The following OLFM1 variants were observed in gnomAD, a reference collection of about 807,000 sequenced individuals.
OLFM1 encodes the protein olfactomedin 1.
In OLFM1, 9 loss-of-function variants were observed where a neutral mutation model predicts 49.7. The ratio of observed to expected loss-of-function variants is 0.18; its 90% CI spans 0.11 to 0.32. The LOEUF is 0.32. Ranked by LOEUF, OLFM1 falls within the 10% of genes least tolerant of loss-of-function variation. OLFM1 has a pLI of 1.00. For synonymous variants in OLFM1, 240 were observed against 271.8 expected, an observed-to-expected ratio of 0.88 and a Z score of 1.15; for missense variants, 369 against 661.8, an observed-to-expected ratio of 0.56 and a Z score of 4.85.
At chr9:135,085,863 C>G (rs549216270), upstream of OLFM1, among the ~76,000 whole-genome samples, 15 of 152,306 alleles carry the variant, frequency 9.8e-5, no homozygotes, top group Admixed American at 9.8e-4. Context: ...CTGGACAGGA[C>G]AGTTTGGAGC....
chr9:135,116,761 T>C (rs1489142318), intron 5 of OLFM1, among the ~76,000 whole-genome samples: 1 of 150,676 alleles, frequency 6.6e-6, no homozygotes, highest in Non-Finnish European at 1.5e-5. Context: ...ATTAAGGGGG[T>C]TTCAGCACAT....
chr9:135,083,260 G>C (rs941081453), upstream of OLFM1, among the ~76,000 whole-genome samples: 6 of 152,174 alleles, frequency 3.9e-5, no homozygotes, highest in African/African-American at 1.4e-4. Context: ...CCCAGAATTG[G>C]CCTCTTTTCC....
At chr9:135,110,566 C>T (rs1229923960) in intron 5 of OLFM1, among the ~76,000 whole-genome samples, 1 of 152,196 alleles carries the variant, frequency 6.6e-6, no homozygotes. Context: ...GTGGAAATAT[C>T]CAAAATGCAT....
At chr9:135,089,515 G>A (rs1225678598) in intron 1 of OLFM1, among the ~76,000 whole-genome samples, 1 of 152,186 alleles carries the variant, frequency 6.6e-6, no homozygotes, top group Non-Finnish European at 1.5e-5. Context: ...GGTGACCCCT[G>A]CACAGCATGT....
At chr9:135,111,803 G>C (rs192381736) in intron 5 of OLFM1, among the ~76,000 whole-genome samples, 1 of 152,154 alleles carries the variant, frequency 6.6e-6, no homozygotes, top group East Asian at 1.9e-4. Flanking sequence ...TCCGCCTCCC[G>C]AATTGAAGCA....
At chr9:135,119,409 G>C in intron 5 of OLFM1, 95 bp from the exon 6 acceptor site, 1 of 1,049,784 alleles carries the variant, frequency 9.5e-7, no homozygotes, top group Non-Finnish European at 1.4e-6. Context: ...TGGGTCTTTG[G>C]AGTACTCACT....
chr9:135,089,053 G>C (rs1202427979), intron 1 of OLFM1, among the ~76,000 whole-genome samples: 2 of 152,172 alleles, frequency 1.3e-5, no homozygotes, highest in Admixed American at 6.5e-5. Context: ...TGAAGGACGT[G>C]AGTCTCCCTC....
chr9:135,102,390 G>C (rs1403085244), intron 4 of OLFM1, among the ~76,000 whole-genome samples: 1 of 152,238 alleles, frequency 6.6e-6, no homozygotes, highest in East Asian at 1.9e-4. Flanking sequence ...TTAAGCCCTT[G>C]CCAGTGGATT....
chr9:135,089,212 C>G (rs1380824155), intron 1 of OLFM1, among the ~76,000 whole-genome samples: 1 of 152,228 alleles, frequency 6.6e-6, no homozygotes, highest in Admixed American at 6.5e-5. Context: ...TCCGGCCTGC[C>G]GGTCCCGATC....
At chr9:135,108,643 A>C (rs1830979388) in intron 5 of OLFM1, among the ~76,000 whole-genome samples, 2 of 151,948 alleles carry the variant, frequency 1.3e-5, no homozygotes, top group Admixed American at 6.5e-5. Context: ...AAAAAAAAAA[A>C]AACAAAAAAA....
chr9:135,114,071 T>C (rs1047828693), intron 5 of OLFM1, among the ~76,000 whole-genome samples: 2 of 151,170 alleles, frequency 1.3e-5, no homozygotes, highest in East Asian at 3.9e-4. Flanking sequence ...TAAGGACACT[T>C]GTCACTGGAT....
intron 2 of OLFM1, 42 bp downstream of exon 2, chr9:135,090,386 T>TGTTTG (rs1554752667): frequency 0.065 from 77,263 of 1,193,440 alleles, 714 homozygotes; most frequent in African/African-American, 0.15. Context: ...GTGTGTGTGT[T>TGTTTG]TGTGTGTGTG....
At chr9:135,093,981 A>T (rs553269651) in intron 2 of OLFM1, among the ~76,000 whole-genome samples, 100 of 152,322 alleles carry the variant, frequency 6.6e-4, no homozygotes, top group Non-Finnish European at 1.2e-3. Flanking sequence ...TTTTAAAAGC[A>T]TTCCTTCTCT....
chr9:135,120,904 T>C lies in OLFM1; in HGVS notation c.*726T>C, dbSNP rs574583097. The C allele has an allele frequency of 1.3e-4, 19 of 146,878 alleles. No individual in the cohort carries two copies. Among genetic ancestry groups the C allele is most frequent in the African/African-American group, 5.0e-4 (18 of 36,314 alleles). The allele number at this position is 146,878 out of a possible 1,614,324, so 9.1% of individuals were successfully genotyped here. On this transcript the variant is annotated 3_prime_UTR_variant, in exon 6 of 6. Transcript: ENST00000371793. ...GTTTGGATTAATAAGTGGATGGTTT[T>C]TGTTTCTAAAAAGAAAAAAAAAATC...
intron 1 of OLFM1, chr9:135,075,845 G>T: frequency 6.4e-7 from 1 of 1,554,852 alleles, no homozygotes. Context: ...CAGGCGCCCG[G>T]CCCGGCCCCT....
chr9:135,098,545 C>A lies in OLFM1; in HGVS notation c.676+40C>A, dbSNP rs747479025. The A allele has an allele frequency of 5.8e-6, 9 of 1,544,614 alleles. No individual in the cohort carries two copies. In the South Asian group the frequency reaches 1.0e-4, roughly 17 times the overall value. ...CTGCGGGACGTGGCGCTGCACTGCC[C>A]ACCTCCGGCACACGCACAGGCTTAG... On this transcript the variant is annotated intron_variant, in intron 4 of 5. Transcript: ENST00000371793. The surrounding 1 kb of genome is among the most constrained non-coding windows in gnomAD (Gnocchi z 5.6).
upstream of OLFM1, among the ~76,000 whole-genome samples, chr9:135,087,102 G>A (rs888910969): frequency 2.0e-5 from 3 of 152,228 alleles, no homozygotes; most frequent in Non-Finnish European, 4.4e-5. Context: ...AAGGCCTTAG[G>A]GCACCGCGGC....
In OLFM1 at chr9:135,098,161, C is replaced by A. The variant is rs1830825085; in HGVS notation, c.457-125C>A. 2 of 1,446,522 alleles carry A rather than the reference C, an allele frequency of 1.4e-6. No individual in the cohort carries two copies. Among genetic ancestry groups the A allele is most frequent in the East Asian group, 2.5e-5 (1 of 40,722 alleles). 89.6% of individuals were successfully genotyped at this position (1,446,522 alleles called of 1,614,324 possible). ...CTCTTCTAACTCATTTGGACCAGAA[C>A]AAATAAGCCTGTAAATAAAGCGGGA... On this transcript the variant is annotated intron_variant, in intron 3 of 5. Coordinates refer to ENST00000371793, the MANE Select transcript of OLFM1 (RefSeq NM_001282611.2). The surrounding 1 kb of genome is among the most constrained non-coding windows in gnomAD (Gnocchi z 5.6).
At chr9:135,101,450 TACTC>T (rs1830869005) in intron 4 of OLFM1, among the ~76,000 whole-genome samples, 1 of 152,252 alleles carries the variant, frequency 6.6e-6, no homozygotes, top group South Asian at 2.1e-4. Context: ...GCCCAGAACA[TACTC>T]AGAAACAGAG....
Sources: allele counts gnomAD v4.1 joint callset (sites outside exome capture counted in the v4.1 genomes callset), GRCh38; gene constraint gnomAD v4.1.1; non-coding constraint Gnocchi (gnomAD v3.1); transcripts MANE v1.5; gene names NCBI Gene and HGNC (gene_info 2026-07-23, HGNC 2026-07-21).